PCSK2: variants seen among roughly 807,000 people sequenced by gnomAD.
PCSK2 encodes neuroendocrine convertase 2.
A neutral mutation model predicts 69.7 loss-of-function variants in PCSK2; 14 were observed. The observed-to-expected ratio is 0.20, with a 90% CI of 0.13 to 0.31. The LOEUF is 0.31. PCSK2 is among the 10% of genes least tolerant of loss of function. The pLI, the probability that PCSK2 is intolerant of heterozygous loss-of-function variation, is 1.00. For missense variants in PCSK2, 544 were observed against 842.5 expected (o/e 0.65, Z 4.39); for synonymous variants, 307 against 320.7 (o/e 0.96, Z 0.46).
chr20:17,373,680 A>C (rs1226240430), intron 5 of PCSK2, among the ~76,000 whole-genome samples: 2 of 152,266 alleles, frequency 1.3e-5, no homozygotes, highest in African/African-American at 4.8e-5. Context: ...AAACCAACCA[A>C]AATGTTTCTG....
intron 8 of PCSK2, among the ~76,000 whole-genome samples, chr20:17,443,939 A>G (rs1410599190): frequency 1.3e-5 from 2 of 152,234 alleles, no homozygotes; most frequent in Admixed American, 1.3e-4. Context: ...TTTCCCCAAG[A>G]AATGGGAATA....
chr20:17,363,044 C>G (rs1273261218), intron 4 of PCSK2, among the ~76,000 whole-genome samples: 1 of 152,234 alleles, frequency 6.6e-6, no homozygotes, highest in Non-Finnish European at 1.5e-5. Context: ...CAGACATTTT[C>G]TTGGCAAGAT....
At chr20:17,226,569 G>C (rs1023279787), upstream of PCSK2, among the ~76,000 whole-genome samples, 2 of 151,626 alleles carry the variant, frequency 1.3e-5, no homozygotes, top group Non-Finnish European at 2.9e-5. Flanking sequence ...TTTTTGCAGC[G>C]GGAAACAAGC....
chr20:17,260,963 C>T (rs1987360150), intron 2 of PCSK2, among the ~76,000 whole-genome samples: 1 of 152,116 alleles, frequency 6.6e-6, no homozygotes, highest in Non-Finnish European at 1.5e-5. Context: ...TTACCTTGCT[C>T]TTGGACTCCA....
intron 2 of PCSK2, among the ~76,000 whole-genome samples, chr20:17,343,783 A>G (rs1990574857): frequency 6.6e-6 from 1 of 152,216 alleles, no homozygotes; most frequent in Non-Finnish European, 1.5e-5. Context: ...TGCGCCGTTA[A>G]TGATGGAGAA....
At chr20:17,419,233 A>G (rs544010386) in intron 6 of PCSK2, among the ~76,000 whole-genome samples, 18 of 152,356 alleles carry the variant, frequency 1.2e-4, no homozygotes, top group Non-Finnish European at 1.5e-4. Context: ...GGGAATGTGT[A>G]TATTAGAATA....
At chr20:17,319,196 A>C (rs772833120) in intron 2 of PCSK2, among the ~76,000 whole-genome samples, 2 of 152,246 alleles carry the variant, frequency 1.3e-5, no homozygotes, top group Admixed American at 6.5e-5. Flanking sequence ...CGATAAGATA[A>C]AGACAAAAAA....
intron 2 of PCSK2, among the ~76,000 whole-genome samples, chr20:17,332,647 G>A (rs1048563841): frequency 9.9e-5 from 15 of 152,142 alleles, no homozygotes; most frequent in African/African-American, 3.4e-4. Context: ...AACTCTGAGA[G>A]TGGGGCCCAG....
intron 11 of PCSK2, among the ~76,000 whole-genome samples, chr20:17,481,379 C>G (rs2033396116): frequency 1.2e-5 from 1 of 83,936 alleles, no homozygotes; most frequent in Non-Finnish European, 2.1e-5. Context: ...GGGACCCTGT[C>G]TCAAAAGACA....
chr20:17,421,776 A>G (rs1484663766), intron 6 of PCSK2, among the ~76,000 whole-genome samples: 3 of 146,476 alleles, frequency 2.0e-5, no homozygotes, highest in Non-Finnish European at 3.0e-5. Context: ...TGAAACAATC[A>G]TAGGACCAGT....
chr20:17,483,452 T>C lies in PCSK2; in HGVS notation c.*1382T>C, dbSNP rs1057187984. The C allele has an allele frequency of 3.1e-4, 48 of 152,384 alleles. No homozygotes were observed. The highest frequency in any genetic ancestry group is 1.1e-3 in the African/African-American group (44 of 41,570). 9.4% of individuals were successfully genotyped at this position (152,384 alleles called of 1,614,324 possible). A position where few individuals can be genotyped will look rare whatever the true frequency, so the allele number is the denominator to read the frequency against. On this transcript the variant is annotated 3_prime_UTR_variant, in exon 12 of 12. Coordinates refer to ENST00000262545, the MANE Select transcript of PCSK2 (RefSeq NM_002594.5). ...ATTACCAAAGTGACCTACCCAGAGA[T>C]TGCTTCTCATCCCCAGTCCCAATGC...
chr20:17,283,548 C>T (rs1988398485), intron 2 of PCSK2, among the ~76,000 whole-genome samples: 1 of 152,178 alleles, frequency 6.6e-6, no homozygotes, highest in Non-Finnish European at 1.5e-5. Flanking sequence ...TGAGGCTGGG[C>T]TTCCATACCT....
intron 2 of PCSK2, among the ~76,000 whole-genome samples, chr20:17,289,323 A>G (rs1288787374): frequency 1.3e-5 from 2 of 152,160 alleles, no homozygotes; most frequent in African/African-American, 4.8e-5. Context: ...AGCAAGTCAC[A>G]TATGCATATT....
chr20:17,381,641 T>A (rs920906196), intron 5 of PCSK2, among the ~76,000 whole-genome samples: 1 of 152,220 alleles, frequency 6.6e-6, no homozygotes. Context: ...TAATGATTAT[T>A]CATATGGCTG....
chr20:17,270,279 C>A (rs973659794), intron 2 of PCSK2, among the ~76,000 whole-genome samples: 1 of 152,044 alleles, frequency 6.6e-6, no homozygotes, highest in Non-Finnish European at 1.5e-5. Context: ...TGCCTATTGA[C>A]ATGTTTGTGA....
At chr20:17,387,393 G>C (rs2031263716) in intron 5 of PCSK2, among the ~76,000 whole-genome samples, 1 of 152,176 alleles carries the variant, frequency 6.6e-6, no homozygotes, top group Admixed American at 6.5e-5. Flanking sequence ...GTGGCTCCGT[G>C]TTTCTCGTGA....
At chr20:17,454,495 C>A (rs553262193) in intron 9 of PCSK2, among the ~76,000 whole-genome samples, 1 of 152,038 alleles carries the variant, frequency 6.6e-6, no homozygotes, top group South Asian at 2.1e-4. Context: ...ATTTTTAGAA[C>A]AAAAAGATTA....
intron 10 of PCSK2, among the ~76,000 whole-genome samples, chr20:17,462,305 G>C (rs978443365): frequency 6.6e-6 from 1 of 152,200 alleles, no homozygotes; most frequent in Non-Finnish European, 1.5e-5. Flanking sequence ...TGATTCCAAT[G>C]TGCAGACAAG....
chr20:17,469,283 A>C (rs111942991), intron 11 of PCSK2, among the ~76,000 whole-genome samples: 1 of 152,154 alleles, frequency 6.6e-6, no homozygotes, highest in East Asian at 1.9e-4. Context: ...ACTGCATGCT[A>C]TGTGCTTTCA....
Sources: allele counts gnomAD v4.1 joint callset (sites outside exome capture counted in the v4.1 genomes callset), GRCh38; gene constraint gnomAD v4.1.1; transcripts MANE v1.5; gene names NCBI Gene and HGNC (gene_info 2026-07-23, HGNC 2026-07-21).